CFAP263: variants seen among roughly 807,000 people sequenced by gnomAD.
The protein encoded by CFAP263 is cilia- and flagella-associated protein 263.
chr16:58,267,554 A>G, the CFAP263 span: 1 of 1,613,528 alleles, frequency 6.2e-7, no homozygotes, highest in Non-Finnish European at 8.5e-7. Context: ...GCTACTTGAA[A>G]AAATTGAAAA....
chr16:58,278,799 G>GTTTT, the CFAP263 span, among the ~76,000 whole-genome samples: 1 of 151,820 alleles, frequency 6.6e-6, no homozygotes, highest in African/African-American at 2.4e-5. Flanking sequence ...AGGATGATTT[G>GTTTT]TTTTTTTTGA....
the CFAP263 span, among the ~76,000 whole-genome samples, chr16:58,259,568 T>G: frequency 1.5e-4 from 23 of 152,232 alleles, no homozygotes; most frequent in Admixed American, 1.5e-3. Context: ...CAAAAAATCG[T>G]AAGATCATTT....
At chr16:58,250,106 A>G in the CFAP263 span, 3 of 1,579,046 alleles carry the variant, frequency 1.9e-6, no homozygotes, top group African/African-American at 4.0e-5. Context: ...GGGCTGGTGG[A>G]GGAGCTCAGG....
chr16:58,253,337 C>T, the CFAP263 span, among the ~76,000 whole-genome samples: 15 of 151,586 alleles, frequency 9.9e-5, no homozygotes, highest in South Asian at 2.1e-4. Context: ...GCTATGATCA[C>T]ACTGCTACAC....
chr16:58,267,305 T>TC, the CFAP263 span, among the ~76,000 whole-genome samples: 1 of 152,064 alleles, frequency 6.6e-6, no homozygotes, highest in African/African-American at 2.4e-5. Context: ...GGTCCTCTCC[T>TC]CCCCCACCAG....
chr16:58,277,513 A>T, the CFAP263 span, among the ~76,000 whole-genome samples: 1 of 152,212 alleles, frequency 6.6e-6, no homozygotes, highest in Admixed American at 6.5e-5. Flanking sequence ...TTAAAAGACA[A>T]GGATTACTCA....
the CFAP263 span, chr16:58,278,562 C>A: frequency 1.2e-6 from 2 of 1,614,074 alleles, no homozygotes; most frequent in South Asian, 1.1e-5. Context: ...TGATGACTTA[C>A]GTCCGGGAGA....
the CFAP263 span, chr16:58,278,540 G>A: frequency 7.7e-5 from 124 of 1,614,030 alleles, no homozygotes; most frequent in Middle Eastern, 3.3e-4. Flanking sequence ...GCCGAGTTCC[G>A]GGCACCACAG....
chr16:58,283,805 A>G, the CFAP263 span: 1 of 152,198 alleles, frequency 6.6e-6, no homozygotes, highest in Non-Finnish European at 1.5e-5. Context: ...GCAGTCCTTC[A>G]TGTTTTGCAA....
At chr16:58,270,432 A>G in the CFAP263 span, among the ~76,000 whole-genome samples, 10 of 152,216 alleles carry the variant, frequency 6.6e-5, no homozygotes, top group South Asian at 1.9e-3. Flanking sequence ...TACTCGAAGT[A>G]TGGTTTCTAC....
At chr16:58,282,213 G>T in the CFAP263 span, 7 of 152,098 alleles carry the variant, frequency 4.6e-5, no homozygotes, top group Admixed American at 3.9e-4. Context: ...CACCATGTTG[G>T]CCAGGCTGGT....
At chr16:58,250,764 CAAAA>C in the CFAP263 span, among the ~76,000 whole-genome samples, 32 of 101,872 alleles carry the variant, frequency 3.1e-4, no homozygotes, top group South Asian at 1.2e-3. Context: ...GACTAAGTCT[CAAAA>C]AAAAAAAAAA....
chr16:58,280,059 C>T, the CFAP263 span: 9 of 701,152 alleles, frequency 1.3e-5, no homozygotes, highest in African/African-American at 5.4e-5. Flanking sequence ...CTTCCCACAC[C>T]TGGGAGAGGG....
chr16:58,260,085 A>T, the CFAP263 span: 7 of 568,142 alleles, frequency 1.2e-5, no homozygotes, highest in African/African-American at 1.2e-4. Flanking sequence ...GATTTTGCAG[A>T]TGTGATTAAT....
the CFAP263 span, among the ~76,000 whole-genome samples, chr16:58,272,207 G>T: frequency 2.6e-5 from 4 of 152,000 alleles, no homozygotes; most frequent in African/African-American, 7.2e-5. Flanking sequence ...TAGTAGAGAC[G>T]GGGTTTCACC....
At chr16:58,253,903 C>T in the CFAP263 span, 2 of 1,375,356 alleles carry the variant, frequency 1.5e-6, no homozygotes, top group Non-Finnish European at 2.0e-6. Context: ...CTCTGGGGAA[C>T]TTCTAGCAGG....
chr16:58,271,977 A>C, the CFAP263 span, among the ~76,000 whole-genome samples: 1 of 150,684 alleles, frequency 6.6e-6, no homozygotes, highest in East Asian at 2.0e-4. Flanking sequence ...CCATTTATTT[A>C]TTTTTAACAT....
At chr16:58,271,174 A>G in the CFAP263 span, among the ~76,000 whole-genome samples, 1 of 152,086 alleles carries the variant, frequency 6.6e-6, no homozygotes, top group Admixed American at 6.6e-5. Flanking sequence ...AGCTTGAAGA[A>G]CTTCCTGTAG....
the CFAP263 span, among the ~76,000 whole-genome samples, chr16:58,259,559 A>T: frequency 3.3e-5 from 5 of 152,250 alleles, no homozygotes; most frequent in Non-Finnish European, 7.3e-5. Flanking sequence ...ATACAAGACC[A>T]AAAAATCGTA....
Sources: allele counts gnomAD v4.1 joint callset (sites outside exome capture counted in the v4.1 genomes callset), GRCh38; gene constraint gnomAD v4.1.1; transcripts MANE v1.5; gene names NCBI Gene and HGNC (gene_info 2026-07-23, HGNC 2026-07-21).